MTHFD1L: variants seen among roughly 807,000 people sequenced by gnomAD.
MTHFD1L encodes the protein methylenetetrahydrofolate dehydrogenase (NADP+ dependent) 1 like.
In MTHFD1L, 81 loss-of-function variants were observed where a neutral mutation model predicts 119.5. That is an observed-to-expected ratio of 0.68 (90% CI 0.57 to 0.82). The LOEUF (loss-of-function observed/expected upper bound fraction) is 0.82. MTHFD1L is among the 40% of genes least tolerant of loss of function. MTHFD1L has a pLI of 0.00. For synonymous variants in MTHFD1L, 430 were observed against 475.2 expected, an observed-to-expected ratio of 0.90 and a Z score of 1.24; for missense variants, 1,125 against 1,253.4, an observed-to-expected ratio of 0.90 and a Z score of 1.55.
intron 9 of MTHFD1L, among the ~76,000 whole-genome samples, chr6:150,920,593 A>G (rs1038403935): frequency 1.3e-5 from 2 of 152,108 alleles, no homozygotes; most frequent in Non-Finnish European, 2.9e-5. Context: ...CAGTAGTTCA[A>G]TTTGCTTGCT....
At chr6:150,890,219 A>C (rs1583403217) in intron 7 of MTHFD1L, among the ~76,000 whole-genome samples, 2 of 152,178 alleles carry the variant, frequency 1.3e-5, no homozygotes, top group African/African-American at 4.8e-5. Context: ...TAATAGACAA[A>C]ACTTGCCCAT....
intron 26 of MTHFD1L, among the ~76,000 whole-genome samples, chr6:151,091,282 G>GGGTGCAGCATTGCTCCATGTGACTA (rs1794422292): frequency 6.6e-6 from 1 of 152,214 alleles, no homozygotes; most frequent in African/African-American, 2.4e-5. Context: ...CCATGTGACT[G>GGGTGCAGCATTGCTCCATGTGACTA]GGTGCATATT....
chr6:150,979,848 T>C (rs1302923339), intron 20 of MTHFD1L, among the ~76,000 whole-genome samples: 1 of 152,184 alleles, frequency 6.6e-6, no homozygotes, highest in Non-Finnish European at 1.5e-5. Context: ...AGGACTCTGC[T>C]GGTGGCTATA....
chr6:150,895,611 T>TG (rs1333490576), intron 7 of MTHFD1L, among the ~76,000 whole-genome samples: 1 of 115,128 alleles, frequency 8.7e-6, no homozygotes, highest in African/African-American at 3.2e-5. Context: ...GGGTTTTTTG[T>TG]GGTTTTTTTT....
chr6:150,886,274 A>C (rs1782254802), intron 6 of MTHFD1L, among the ~76,000 whole-genome samples: 1 of 152,146 alleles, frequency 6.6e-6, no homozygotes, highest in Non-Finnish European at 1.5e-5. Context: ...TCTCTACAAA[A>C]AAAATTTAAA....
chr6:150,867,654 C>A (rs1267144789), intron 1 of MTHFD1L, among the ~76,000 whole-genome samples: 7 of 152,188 alleles, frequency 4.6e-5, no homozygotes, highest in Non-Finnish European at 7.3e-5. Context: ...GGAATATGAG[C>A]TTCATGAGAC....
In MTHFD1L at chr6:150,877,700, T is replaced by A. The variant is rs1780673324; in HGVS notation, c.363+16T>A. Reference sequence around the variant, plus strand: ...GGCTGAGGAGGTGAGGACTGCTGCTTTTAAAAAATTCACTATAACTTTTAA... The same window carrying A: ...GGCTGAGGAGGTGAGGACTGCTGCTATTAAAAAATTCACTATAACTTTTAA... On this transcript the variant is annotated intron_variant, in intron 3 of 27. Coordinates refer to ENST00000367321, the MANE Select transcript of MTHFD1L (RefSeq NM_015440.5). 6.2e-7 allele frequency: 1 copy of A among 1,614,094 alleles called. No homozygotes were observed. Among genetic ancestry groups the A allele is most frequent in the Admixed American group, 1.7e-5 (1 of 60,004 alleles).
Position 150,907,688 on chromosome 6 carries a change from A to T in MTHFD1L, c.892+1927A>T, listed in dbSNP as rs1026094463. On this transcript the variant is annotated intron_variant, in intron 8 of 27. Coordinates refer to ENST00000367321, the MANE Select transcript of MTHFD1L (RefSeq NM_015440.5). ...GATCAAAATTTAAAGCACAGTTTCT[A>T]CTGAATGCATGTCCCTTTCCCACCA... is the stretch of plus-strand genomic sequence containing the variant. Among the ~76,000 whole-genome samples the T allele has an allele frequency of 4.0e-5, 6 of 151,268 alleles. No individual in the cohort carries two copies. In the Admixed American group the frequency reaches 4.1e-4, roughly 10 times the overall value.
At chr6:150,934,712 A>G (rs1791742817) in intron 11 of MTHFD1L, among the ~76,000 whole-genome samples, 1 of 152,214 alleles carries the variant, frequency 6.6e-6, no homozygotes, top group Non-Finnish European at 1.5e-5. Context: ...TATCCTTGAC[A>G]ACATGGCTGA....
chr6:150,865,777 C>A lies in MTHFD1L; in HGVS notation c.-46C>A. On this transcript the variant is annotated 5_prime_UTR_variant, in exon 1 of 28. Coordinates refer to ENST00000367321, the MANE Select transcript of MTHFD1L (RefSeq NM_015440.5). ...CCCCTGGCACGCGCCCCGCCGCCCT[C>A]GGCAGCCGCAGCTCCGTGTCCCCTG... 1 of 1,249,382 alleles carries A rather than the reference C, an allele frequency of 8.0e-7. No homozygotes were observed. Among genetic ancestry groups the A allele is most frequent in the Admixed American group, 3.9e-5 (1 of 25,606 alleles). The allele number at this position is 1,249,382 out of a possible 1,614,324, so 77.4% of individuals were successfully genotyped here.
chr6:151,024,122 C>T (rs1784323590), intron 24 of MTHFD1L, among the ~76,000 whole-genome samples: 2 of 151,908 alleles, frequency 1.3e-5, no homozygotes, highest in South Asian at 4.2e-4. Context: ...TAATAAAGTA[C>T]AAGGGCTCCT....
At position 150,979,330 on chromosome 6, in the gene MTHFD1L, G is replaced by A. The variant is rs77554871; in HGVS notation, c.2125+7272G>A. Among the ~76,000 whole-genome samples the A allele has an allele frequency of 1.1e-3, 164 of 152,250 alleles. 4 individuals are homozygous for A. The highest frequency in any genetic ancestry group is 2.3e-3 in the East Asian group (12 of 5,170). ...TATAACTATATTGTACCAATATATC[G>A]TAATGTGCGCCAACAGTGGTGGTCC... On this transcript the variant is annotated intron_variant, in intron 20 of 27. Transcript: ENST00000367321.
chr6:150,879,657 TCTCA>T (rs1192150177), intron 4 of MTHFD1L, among the ~76,000 whole-genome samples: 3 of 132,240 alleles, frequency 2.3e-5, no homozygotes, highest in Non-Finnish European at 4.6e-5. Context: ...TGAGACGGAG[TCTCA>T]CTCTGTCACC....
intron 8 of MTHFD1L, chr6:150,912,668 A>G (rs1209287589): frequency 4.0e-6 from 2 of 505,912 alleles, no homozygotes; most frequent in African/African-American, 1.9e-5. Flanking sequence ...CTTTTTGCAG[A>G]AAGTTTGATT....
At chr6:150,876,240 T>C in intron 2 of MTHFD1L, 66 bp downstream of exon 2, 1 of 1,265,780 alleles carries the variant, frequency 7.9e-7, no homozygotes, top group Non-Finnish European at 1.1e-6. Context: ...AATGATTGTA[T>C]ACAAAAGAGC....
chr6:150,906,311 G>C (rs538128232), intron 8 of MTHFD1L, among the ~76,000 whole-genome samples: 8 of 152,304 alleles, frequency 5.3e-5, no homozygotes, highest in South Asian at 4.1e-4. Flanking sequence ...CCTGCTATTT[G>C]ATGGCATTTT....
At chr6:151,091,735 G>T (rs1055368817) in intron 26 of MTHFD1L, among the ~76,000 whole-genome samples, 1 of 152,246 alleles carries the variant, frequency 6.6e-6, no homozygotes, top group South Asian at 2.1e-4. Flanking sequence ...TCGTAGGGGT[G>T]GCTGTGGCGG....
intron 20 of MTHFD1L, among the ~76,000 whole-genome samples, chr6:150,973,087 G>A (rs1012043774): frequency 6.6e-6 from 1 of 152,216 alleles, no homozygotes; most frequent in Non-Finnish European, 1.5e-5. Context: ...GATTTCCCAT[G>A]CTAACAGGTA....
chr6:151,022,417 A>G (rs1784063994), intron 24 of MTHFD1L: 2 of 187,408 alleles, frequency 1.1e-5, no homozygotes, highest in African/African-American at 4.7e-5. Flanking sequence ...AAAAATATGT[A>G]TAACATACAA....
Sources: gnomAD v4.1 joint callset for allele counts (sites outside exome capture counted in the v4.1 genomes callset) on GRCh38, gnomAD v4.1.1 for gene constraint, MANE v1.5 for transcripts, NCBI Gene and HGNC (gene_info 2026-07-23, HGNC 2026-07-21) for gene names.